The following HHAT variants were observed in gnomAD, a reference collection of about 807,000 sequenced individuals.
HHAT encodes the protein protein-cysteine N-palmitoyltransferase HHAT.
Under a neutral mutation model 70.8 loss-of-function variants are expected in HHAT, and 47 were observed. The ratio of observed to expected loss-of-function variants is 0.66; its 90% confidence interval spans 0.53 to 0.85. The LOEUF (loss-of-function observed/expected upper bound fraction) is 0.85. Ranked by LOEUF, HHAT falls within the 40% of genes least tolerant of loss-of-function variation. HHAT has a pLI of 0.00. For synonymous variants in HHAT, 228 were observed against 247.6 expected (o/e 0.92, Z 0.74); for missense variants, 609 against 604.8 (o/e 1.01, Z -0.07).
In HHAT at chr1:210,623,571, C is replaced by G. The variant is rs772132903; in HGVS notation, c.1291C>G (p.Leu431Val). 6.2e-7 allele frequency: 1 copy of G among 1,614,094 alleles called. No homozygotes were observed. Among genetic ancestry groups the G allele is most frequent in the Non-Finnish European group, 8.5e-7 (1 of 1,180,010 alleles). ...PQARRRFHAA[L>V]ASCSTSMLIL... ...AGCTCGCCGTCGATTCCACGCTGCC[C>G]TTGCTTCTTGTTCCACCTCGATGCT... The change falls in exon 11 of 12, where the codon CTT (leucine) becomes GTT (valine). Residue 431 changes from leucine (L) to valine (V), a missense_variant. Physicochemically the swap from Leu to Val is conservative, Grantham distance 32. Coordinates refer to ENST00000261458, the MANE Select transcript of HHAT (RefSeq NM_018194.6).
chr1:210,488,709 A>G (rs2094508294), intron 8 of HHAT, among the ~76,000 whole-genome samples: 1 of 151,906 alleles, frequency 6.6e-6, no homozygotes, highest in Non-Finnish European at 1.5e-5. Context: ...CCTGGGCAAT[A>G]CAGTGAGACC....
chr1:210,544,193 C>T (rs897122311), intron 9 of HHAT, among the ~76,000 whole-genome samples: 8 of 151,692 alleles, frequency 5.3e-5, no homozygotes, highest in African/African-American at 1.5e-4. Context: ...ATCTCTCAAG[C>T]TCTAGGCATC....
intron 8 of HHAT, among the ~76,000 whole-genome samples, chr1:210,487,094 A>G (rs2148502394): frequency 6.6e-6 from 1 of 152,314 alleles, no homozygotes; most frequent in East Asian, 1.9e-4. Context: ...GCAGAGGCAT[A>G]GGCAGTAGGA....
chr1:210,485,567 G>T (rs1312761726), intron 8 of HHAT, among the ~76,000 whole-genome samples: 1 of 152,134 alleles, frequency 6.6e-6, no homozygotes, highest in Admixed American at 6.6e-5. Flanking sequence ...ACCTACCTGA[G>T]ACTGGGTAAA....
At chr1:210,355,657 T>G (rs1017507685) in intron 2 of HHAT, among the ~76,000 whole-genome samples, 10 of 152,320 alleles carry the variant, frequency 6.6e-5, no homozygotes, top group African/African-American at 2.4e-4. Context: ...AATTTTGTTT[T>G]GTCTCATCCC....
At chr1:210,527,964 A>C (rs1253307721) in intron 9 of HHAT, among the ~76,000 whole-genome samples, 1 of 152,246 alleles carries the variant, frequency 6.6e-6, no homozygotes, top group Admixed American at 6.5e-5. Context: ...TAAACGCATG[A>C]ACCCATTCAT....
intron 10 of HHAT, among the ~76,000 whole-genome samples, chr1:210,607,450 T>G (rs575939960): frequency 6.2e-4 from 95 of 152,324 alleles, no homozygotes; most frequent in South Asian, 8.3e-4. Context: ...TTTAAAATAT[T>G]AAGGTTACTT....
intron 10 of HHAT, among the ~76,000 whole-genome samples, chr1:210,602,021 G>A (rs1664402180): frequency 6.6e-6 from 1 of 151,518 alleles, no homozygotes; most frequent in South Asian, 2.1e-4. Flanking sequence ...AGAAGAAAAG[G>A]CAGCCAAGGA....
At chr1:210,532,478 T>G (rs1158997891) in intron 9 of HHAT, among the ~76,000 whole-genome samples, 2 of 152,218 alleles carry the variant, frequency 1.3e-5, no homozygotes, top group African/African-American at 4.8e-5. Flanking sequence ...TTTCTGGACA[T>G]CAGCTACTCA....
At position 210,674,323 on chromosome 1, in the gene HHAT, C is replaced by A; in HGVS notation, c.1426C>A (p.Leu476Met). 1 of 1,614,200 alleles carries A rather than the reference C, an allele frequency of 6.2e-7. No homozygotes were observed. ...GGTGACCCTCTCTGTCCTGGGATTC[C>A]TGTACTGCTACTCCCACGTGGGCAT... The part of the protein sequence containing the change: ...PWVTLSVLGF[L>M]YCYSHVGIAW... The change falls in exon 12 of 12, where the codon CTG (leucine) becomes ATG (methionine). Residue 476 changes from leucine to methionine, a missense_variant. Transcript: ENST00000261458.
At chr1:210,561,131 A>G (rs2095619587) in intron 9 of HHAT, among the ~76,000 whole-genome samples, 1 of 152,156 alleles carries the variant, frequency 6.6e-6, no homozygotes, top group Admixed American at 6.5e-5. Flanking sequence ...CCATAGAACT[A>G]GGTGATTTCT....
chr1:210,648,193 C>T (rs1247103494), intron 11 of HHAT, among the ~76,000 whole-genome samples: 1 of 151,990 alleles, frequency 6.6e-6, no homozygotes, highest in Non-Finnish European at 1.5e-5. Flanking sequence ...TGGATCTCTG[C>T]TATCTCCAGA....
At chr1:210,553,843 G>A (rs2095549191) in intron 9 of HHAT, among the ~76,000 whole-genome samples, 2 of 152,126 alleles carry the variant, frequency 1.3e-5, no homozygotes, top group Admixed American at 6.6e-5. Flanking sequence ...TTGCTGGGCC[G>A]TGGCTCCACC....
intron 10 of HHAT, among the ~76,000 whole-genome samples, chr1:210,591,584 TATG>T (rs1464047810): frequency 2.0e-5 from 3 of 152,256 alleles, no homozygotes; most frequent in African/African-American, 7.2e-5. Context: ...TGCTGAATCA[TATG>T]ATAATTCTGT....
chr1:210,602,799 C>T (rs1317906800), intron 10 of HHAT, among the ~76,000 whole-genome samples: 1 of 152,116 alleles, frequency 6.6e-6, no homozygotes, highest in African/African-American at 2.4e-5. Context: ...ACCCCCACAG[C>T]ATTGTCTCCC....
At chr1:210,506,385 C>T (rs373993477) in intron 8 of HHAT, among the ~76,000 whole-genome samples, 31 of 152,288 alleles carry the variant, frequency 2.0e-4, no homozygotes, top group African/African-American at 7.5e-4. Flanking sequence ...TCTTAAAGGT[C>T]ATCCATTCCA....
At chr1:210,623,138 C>G (rs1669179985) in intron 10 of HHAT, among the ~76,000 whole-genome samples, 1 of 152,216 alleles carries the variant, frequency 6.6e-6, no homozygotes, top group African/African-American at 2.4e-5. Context: ...GTGGTGTGAT[C>G]ATGGCTCACT....
intron 10 of HHAT, among the ~76,000 whole-genome samples, chr1:210,612,094 C>T (rs761296122): frequency 1.3e-5 from 2 of 152,008 alleles, no homozygotes; most frequent in Non-Finnish European, 2.9e-5. Flanking sequence ...GGCCCACCTG[C>T]GTTTGAAAAC....
chr1:210,508,673 A>G (rs958995959), intron 8 of HHAT, among the ~76,000 whole-genome samples: 3 of 152,218 alleles, frequency 2.0e-5, no homozygotes, highest in Non-Finnish European at 2.9e-5. Flanking sequence ...TCCAGCCAGT[A>G]AGATAGCTAT....
Sources: allele counts gnomAD v4.1 joint callset (sites outside exome capture counted in the v4.1 genomes callset), GRCh38; gene constraint gnomAD v4.1.1; transcripts MANE v1.5; gene names NCBI Gene and HGNC (gene_info 2026-07-23, HGNC 2026-07-21).